ZNF91: variants seen among roughly 807,000 people sequenced by gnomAD.
The protein encoded by ZNF91 is zinc finger protein 91 (HPF7, HTF10).
Under a neutral mutation model 12.6 loss-of-function variants are expected in ZNF91, and 7 were observed. The observed-to-expected ratio is 0.55, with a 90% confidence interval of 0.31 to 1.04. The LOEUF is 1.04. ZNF91 is among the 50% of genes least tolerant of loss of function. ZNF91 has a pLI of 0.05. For synonymous variants in ZNF91, 453 were observed against 462.6 expected (o/e 0.98, Z 0.27); for missense variants, 1,217 against 1,385.4 (o/e 0.88, Z 1.93).
chr19:23,330,532 G>A (rs983597965), intron 1 of ZNF91, among the ~76,000 whole-genome samples: 1 of 152,032 alleles, frequency 6.6e-6, no homozygotes, highest in Non-Finnish European at 1.5e-5. Flanking sequence ...ATCCCTTTGG[G>A]CCCCTGGTAG....
At chr19:23,386,640 T>C (rs886746562) in intron 1 of ZNF91, among the ~76,000 whole-genome samples, 1 of 152,110 alleles carries the variant, frequency 6.6e-6, no homozygotes, top group Admixed American at 6.5e-5. Context: ...TATTACACCA[T>C]ACACAAAAAT....
chr19:23,318,065 T>G (rs936232957), intron 1 of ZNF91, among the ~76,000 whole-genome samples: 4 of 152,236 alleles, frequency 2.6e-5, no homozygotes, highest in African/African-American at 4.8e-5. Flanking sequence ...TCTAGTCCAC[T>G]GCCTTGGCAC....
At chr19:23,363,373 A>C (rs1968887459) in intron 3 of ZNF91, among the ~76,000 whole-genome samples, 2 of 152,252 alleles carry the variant, frequency 1.3e-5, no homozygotes, top group Admixed American at 1.3e-4. Flanking sequence ...AGACCAAAGA[A>C]AAATGTTACA....
At chr19:23,357,093 G>A (rs1968509007), downstream of ZNF91, among the ~76,000 whole-genome samples, 1 of 152,180 alleles carries the variant, frequency 6.6e-6, no homozygotes, top group Non-Finnish European at 1.5e-5. Flanking sequence ...CGGGCGTGGT[G>A]ATGCATGCCT....
At chr19:23,341,965 A>T (rs1968134459) in intron 3 of ZNF91, among the ~76,000 whole-genome samples, 1 of 152,210 alleles carries the variant, frequency 6.6e-6, no homozygotes, top group South Asian at 2.1e-4. Context: ...CTCTAAGGAA[A>T]ATCACTAAAT....
rs752197684 is a variant in ZNF91, at chr19:23,373,774, A to T, written c.221T>A (p.Met74Lys). 6.2e-7 allele frequency: 1 copy of T among 1,611,686 alleles called. No individual in the cohort carries two copies. The highest frequency in any genetic ancestry group is 1.1e-5 in the South Asian group (1 of 90,928). ...YLEQGKEPWN[M>K]KQHEMVDEPT... ...TTCATCCACCATCTCATGTTGCTTC[A>T]TATTCCAGGGCTCTTTTCCTTGCTC... Residue 74 changes from methionine to lysine, a missense_variant, in exon 3 of 4, where the codon ATG becomes AAG. Met to Lys is a moderately conservative substitution (Grantham distance 95). Transcript: ENST00000300619.
chr19:23,392,845 G>A (rs1349662782), intron 1 of ZNF91, among the ~76,000 whole-genome samples: 1 of 151,768 alleles, frequency 6.6e-6, no homozygotes, highest in Non-Finnish European at 1.5e-5. Flanking sequence ...AGTGAACAAA[G>A]CTTTTCAAGA....
intron 3 of ZNF91, among the ~76,000 whole-genome samples, chr19:23,346,411 C>A (rs923417256): frequency 2.6e-5 from 4 of 152,068 alleles, no homozygotes; most frequent in African/African-American, 9.7e-5. Flanking sequence ...ATGCCACCAT[C>A]GAGACAACAT....
rs1025106964 is a variant in ZNF91, at chr19:23,358,715, T to C, written c.*688A>G. The C allele has an allele frequency of 1.3e-5, 2 of 158,442 alleles. No homozygotes were observed. The highest frequency in any genetic ancestry group is 4.8e-5 in the African/African-American group (2 of 41,510). 9.8% of individuals were successfully genotyped at this position (158,442 alleles called of 1,614,324 possible). ...TGTTCACACTGGTAGTTTTCTCCAG[T>C]ATGAATTATCTTACCTACGATCAAG... On this transcript the variant is annotated 3_prime_UTR_variant, in exon 4 of 4. Transcript: ENST00000300619.
At chr19:23,362,753 A>C (rs754449788) in intron 3 of ZNF91, 28 bp from the exon 4 acceptor site, 19 of 1,413,788 alleles carry the variant, frequency 1.3e-5, no homozygotes, top group Non-Finnish European at 1.8e-5. Context: ...AAAATAATAA[A>C]TTACTCCACT....
Position 23,366,411 on chromosome 19 carries a change from A to C in ZNF91, c.254-3686T>G, listed in dbSNP as rs564061759. On this transcript the variant is annotated intron_variant, in intron 3 of 3. Transcript: ENST00000300619. ...TAGACACCAAAATCCCATTTTCGAT[A>C]AATAGAAGATTCATATAAAAATGAA... 1.2e-4 allele frequency among the ~76,000 whole-genome samples: 18 copies of C among 152,360 alleles called. No individual in the cohort carries two copies. The South Asian group carries it at 3.1e-3, about 26-fold the overall frequency.
rs751460346 is a variant in ZNF91, at chr19:23,359,538, T to TA, written c.3440_3441insT (p.Ile1148AsnfsTer4). ...GAATTTTCTTATGGTTAGTAAGGAT[T>TA]GAAGACTGGTTAAAGGCTTTGCCAC... On this transcript the variant is annotated frameshift_variant, in exon 4 of 4. Coordinates refer to ENST00000300619, the MANE Select transcript of ZNF91 (RefSeq NM_003430.4). LOFTEE classifies it low-confidence loss of function (END_TRUNC). 6.2e-7 allele frequency: 1 copy of TA among 1,614,088 alleles called. No individual in the cohort carries two copies. Among genetic ancestry groups the TA allele is most frequent in the East Asian group, 2.2e-5 (1 of 44,884 alleles).
intron 3 of ZNF91, among the ~76,000 whole-genome samples, chr19:23,347,847 T>C (rs1025255085): frequency 6.6e-6 from 1 of 152,204 alleles, no homozygotes; most frequent in Non-Finnish European, 1.5e-5. Flanking sequence ...TCAAGTAGAC[T>C]TCACTCACAT....
intron 3 of ZNF91, among the ~76,000 whole-genome samples, chr19:23,345,086 T>C (rs1405743598): frequency 6.6e-6 from 1 of 152,246 alleles, no homozygotes; most frequent in Non-Finnish European, 1.5e-5. Context: ...CTCTGGCATG[T>C]GCCAGGCACT....
At chr19:23,373,451 A>C (rs527720269) in intron 3 of ZNF91, among the ~76,000 whole-genome samples, 1 of 150,378 alleles carries the variant, frequency 6.6e-6, no homozygotes, top group African/African-American at 2.4e-5. Flanking sequence ...CAAAATGTAA[A>C]ATGCAAAAAA....
intron 3 of ZNF91, among the ~76,000 whole-genome samples, chr19:23,340,789 A>C (rs1968107648): frequency 6.7e-6 from 1 of 149,038 alleles, no homozygotes; most frequent in South Asian, 2.1e-4. Flanking sequence ...TCAAACTAAA[A>C]GTTTTGGCAC....
In ZNF91 at chr19:23,346,270, C is replaced by T. The variant is rs540883555; in HGVS notation, c.254-7216G>A. ...TCTCTGCCACCCTCTCCCCAGAAGA[C>T]GAGGACCGTATCTAGACCCCAGCTC... is the stretch of plus-strand genomic sequence containing the variant. On this transcript the variant is annotated intron_variant, in intron 3 of 3. Transcript: ENST00000599743. 9.9e-5 allele frequency among the ~76,000 whole-genome samples: 15 copies of T among 152,216 alleles called. No homozygotes were observed. In the South Asian group the frequency reaches 1.9e-3, roughly 19 times the overall value.
At position 23,376,791 on chromosome 19, in the gene ZNF91, G is replaced by A. The variant is rs139274967; in HGVS notation, c.31-2027C>T. ...AAGTACTAAACGCGTGGCATTCCAC[G>A]AGGCAGAGTGGACACAGCTCTTGAT... is the stretch of plus-strand genomic sequence containing the variant. On this transcript the variant is annotated intron_variant, in intron 1 of 3. Transcript: ENST00000300619. 1.3e-4 allele frequency among the ~76,000 whole-genome samples: 20 copies of A among 152,222 alleles called. No homozygotes were observed. The East Asian group carries it at 2.9e-3, about 22-fold the overall frequency.
chr19:23,334,899 A>T (rs1967978681), downstream of ZNF91, among the ~76,000 whole-genome samples: 1 of 152,018 alleles, frequency 6.6e-6, no homozygotes, highest in South Asian at 2.1e-4. Context: ...AAGTTACCTA[A>T]ATAGTTACTA....
Sources: gnomAD v4.1 joint callset for allele counts (sites outside exome capture counted in the v4.1 genomes callset) on GRCh38, gnomAD v4.1.1 for gene constraint, MANE v1.5 for transcripts, NCBI Gene and HGNC (gene_info 2026-07-23, HGNC 2026-07-21) for gene names.